TG: variants seen among roughly 807,000 people sequenced by gnomAD.
TG encodes thyroid hormones.
In TG, 270 loss-of-function variants were observed where a neutral mutation model predicts 324.7. The observed-to-expected ratio is 0.83, with a 90% CI of 0.75 to 0.92. The LOEUF is 0.92. TG is among the 40% of genes least tolerant of loss of function. The probability of loss-of-function intolerance (pLI) is 0.00; values close to 1 mark genes in which losing one functional copy is unlikely to be tolerated. For synonymous variants in TG, 1,401 were observed against 1,327.0 expected (o/e 1.06, Z -1.21); for missense variants, 3,591 against 3,456.4 (o/e 1.04, Z -0.98).
At chr8:132,985,869 C>T (rs538565530) in intron 35 of TG, among the ~76,000 whole-genome samples, 3 of 152,184 alleles carry the variant, frequency 2.0e-5, no homozygotes, top group Non-Finnish European at 2.9e-5. Context: ...CTGCTCCTTG[C>T]GTTTCCTTTT....
chr8:133,048,214 T>C (rs4736618), intron 41 of TG, among the ~76,000 whole-genome samples: 19,825 of 152,110 alleles, frequency 0.13, 1,392 homozygotes, highest in Admixed American at 0.15. Context: ...CTGCTCTTCC[T>C]TTTATTTATG....
chr8:133,060,028 A>G, intron 41 of TG: 1 of 1,466,508 alleles, frequency 6.8e-7, no homozygotes. Context: ...ACCGGCATCC[A>G]CCACCGCCCA....
intron 41 of TG, among the ~76,000 whole-genome samples, chr8:133,033,547 AGCT>A (rs1263323403): frequency 6.6e-6 from 1 of 152,186 alleles, no homozygotes; most frequent in Non-Finnish European, 1.5e-5. Context: ...ATCAGCCTCA[AGCT>A]AAATTTTCTG....
In TG at chr8:132,901,566, C is replaced by T. The variant is rs751617812; in HGVS notation, c.3634+13C>T. On this transcript the variant is annotated intron_variant, in intron 16 of 47. Transcript: ENST00000220616. ...CCCGCCTGTGAGAGTAAGTCATGAC[C>T]CCCTGGGGGGACGACGAGGCCTGCA... 1.2e-6 allele frequency: 2 copies of T among 1,609,408 alleles called. No homozygotes were observed. Among genetic ancestry groups the T allele is most frequent in the African/African-American group, 1.3e-5 (1 of 74,916 alleles).
intron 41 of TG, among the ~76,000 whole-genome samples, chr8:133,092,752 C>A (rs1305011450): frequency 6.6e-6 from 1 of 152,190 alleles, no homozygotes; most frequent in Non-Finnish European, 1.5e-5. Flanking sequence ...TCCCCTCCTG[C>A]CCCCGAGTGC....
At chr8:133,070,640 G>A (rs1415131042) in intron 41 of TG, among the ~76,000 whole-genome samples, 2 of 152,220 alleles carry the variant, frequency 1.3e-5, no homozygotes, top group African/African-American at 4.8e-5. Flanking sequence ...GGTCTAGCCT[G>A]TAAATCCTTT....
chr8:133,096,537 G>A (rs1848440546), intron 43 of TG, among the ~76,000 whole-genome samples, 164 bp downstream of exon 43: 1 of 152,196 alleles, frequency 6.6e-6, no homozygotes, highest in Non-Finnish European at 1.5e-5. Flanking sequence ...TTAGAAATTA[G>A]ACACTTGCAG....
chr8:133,118,526 T>C (rs1177220749), intron 45 of TG, among the ~76,000 whole-genome samples: 3 of 152,132 alleles, frequency 2.0e-5, no homozygotes, highest in African/African-American at 4.8e-5. Flanking sequence ...GGTTTCACCA[T>C]GTTGGCCAGG....
At chr8:133,103,785 A>G (rs77844373) in intron 43 of TG, among the ~76,000 whole-genome samples, 9,862 of 152,230 alleles carry the variant, frequency 0.065, 1,074 homozygotes, top group African/African-American at 0.22. Context: ...CATCTCTCCA[A>G]CATAGATTAT....
At chr8:132,939,782 T>A (rs756729889) in intron 25 of TG, among the ~76,000 whole-genome samples, 1 of 152,034 alleles carries the variant, frequency 6.6e-6, no homozygotes, top group Non-Finnish European at 1.5e-5. Flanking sequence ...GTTGAAGGGA[T>A]TCTCCTGCCT....
intron 37 of TG, among the ~76,000 whole-genome samples, chr8:133,017,054 A>G (rs1246124588): frequency 6.6e-6 from 1 of 152,146 alleles, no homozygotes; most frequent in Non-Finnish European, 1.5e-5. Context: ...CAAAGCTCTG[A>G]ACTGGTCCCA....
At chr8:132,943,379 C>T (rs1824744613) in intron 26 of TG, among the ~76,000 whole-genome samples, 1 of 152,164 alleles carries the variant, frequency 6.6e-6, no homozygotes, top group African/African-American at 2.4e-5. Flanking sequence ...CTTCCTGAGG[C>T]CTCACCAGCA....
At chr8:132,996,682 A>G (rs1832918773) in intron 35 of TG, among the ~76,000 whole-genome samples, 1 of 152,212 alleles carries the variant, frequency 6.6e-6, no homozygotes, top group South Asian at 2.1e-4. Flanking sequence ...CAGTAAACAT[A>G]TCTAGGCATT....
intron 26 of TG, among the ~76,000 whole-genome samples, chr8:132,944,595 G>A (rs1425243006): frequency 6.6e-6 from 1 of 152,190 alleles, no homozygotes. Flanking sequence ...CCAGATGCCC[G>A]TGTTCCAGTG....
intron 35 of TG, chr8:133,003,001 C>T (rs935182408): frequency 1.3e-5 from 13 of 1,023,298 alleles, no homozygotes; most frequent in East Asian, 1.8e-4. Flanking sequence ...CCTGGCCAAA[C>T]GAACAACTCC....
chr8:132,931,672 C>T (rs1160680789), intron 23 of TG, among the ~76,000 whole-genome samples: 1 of 152,132 alleles, frequency 6.6e-6, no homozygotes, highest in Non-Finnish European at 1.5e-5. Flanking sequence ...TGACTCAGAA[C>T]TTTAATTGTT....
chr8:132,972,576 GTTT>G lies in TG; in HGVS notation c.6056-12_6056-10del. 3 of 1,480,364 alleles carry G rather than the reference GTTT, an allele frequency of 2.0e-6. No individual in the cohort carries two copies. Among genetic ancestry groups the G allele is most frequent in the South Asian group, 2.4e-5 (2 of 82,008 alleles). The allele number at this position is 1,480,364 out of a possible 1,614,324, so 91.7% of individuals were successfully genotyped here. On this transcript the variant is annotated intron_variant, in intron 33 of 47. Coordinates refer to ENST00000220616, the MANE Select transcript of TG (RefSeq NM_003235.5). ...CTCAGTTTCCTGATTGTGGTTTTTT[GTTT>G]TTTTTTTTTCCACCCCAGGAGGAGA...
chr8:133,088,020 C>T (rs870539), intron 41 of TG, among the ~76,000 whole-genome samples: 37,790 of 152,146 alleles, frequency 0.25, 4,955 homozygotes, highest in African/African-American at 0.28. Flanking sequence ...AAGAAAGTAG[C>T]GGTTTCAATA....
chr8:133,064,029 T>C (rs1442027855), intron 41 of TG: 1 of 152,262 alleles, frequency 6.6e-6, no homozygotes, highest in African/African-American at 2.4e-5. Flanking sequence ...ACACTGGCTC[T>C]GCAAATTCTT....
Sources: gnomAD v4.1 joint callset for allele counts (sites outside exome capture counted in the v4.1 genomes callset) on GRCh38, gnomAD v4.1.1 for gene constraint, MANE v1.5 for transcripts, NCBI Gene and HGNC (gene_info 2026-07-23, HGNC 2026-07-21) for gene names.